The following SV2C variants were observed in gnomAD, a reference collection of about 807,000 sequenced individuals.
The protein encoded by SV2C is solute carrier family 22 member B3.
A neutral mutation model predicts 79.7 loss-of-function variants in SV2C; 49 were observed. The ratio of observed to expected loss-of-function variants is 0.61; its 90% CI spans 0.49 to 0.78. SV2C has a LOEUF of 0.78. Ranked by LOEUF, SV2C falls within the 30% of genes least tolerant of loss-of-function variation. SV2C has a pLI of 0.00. For missense variants in SV2C, 833 were observed against 912.9 expected, an observed-to-expected ratio of 0.91 and a Z score of 1.13; for synonymous variants, 334 against 333.2, an observed-to-expected ratio of 1.00 and a Z score of -0.03.
intron 2 of SV2C, among the ~76,000 whole-genome samples, chr5:76,191,211 G>A (rs964863805): frequency 6.6e-6 from 1 of 150,872 alleles, no homozygotes; most frequent in African/African-American, 2.4e-5. Context: ...TAAACAACCA[G>A]ATCTTGAAAA....
chr5:75,973,702 A>T, the SV2C span, among the ~76,000 whole-genome samples: 1 of 151,970 alleles, frequency 6.6e-6, no homozygotes, highest in Non-Finnish European at 1.5e-5. Flanking sequence ...AAGAGTAAGT[A>T]CTACAAAACA....
the SV2C span, among the ~76,000 whole-genome samples, chr5:75,883,292 A>G: frequency 7.2e-3 from 1,019 of 140,720 alleles, 15 homozygotes; most frequent in African/African-American, 0.029. Context: ...GCGATTCCTC[A>G]GGGATCTAGA....
the SV2C span, among the ~76,000 whole-genome samples, chr5:75,953,592 A>G: frequency 6.6e-6 from 1 of 151,928 alleles, no homozygotes; most frequent in Non-Finnish European, 1.5e-5. Context: ...TGAGTACTTT[A>G]TCCGGAAACC....
the SV2C span, among the ~76,000 whole-genome samples, chr5:75,975,039 T>A: frequency 6.6e-6 from 1 of 152,132 alleles, no homozygotes; most frequent in Non-Finnish European, 1.5e-5. Context: ...ACTGATAGAA[T>A]TATCAATGAC....
the SV2C span, among the ~76,000 whole-genome samples, chr5:76,022,318 T>G: frequency 6.6e-6 from 1 of 152,308 alleles, no homozygotes; most frequent in African/African-American, 2.4e-5. Context: ...CAGTGCACAC[T>G]TCAGGATCAT....
At chr5:76,130,205 A>C (rs983004446) in intron 1 of SV2C, among the ~76,000 whole-genome samples, 3 of 148,226 alleles carry the variant, frequency 2.0e-5, no homozygotes, top group African/African-American at 7.4e-5. Flanking sequence ...CAAACAGAAA[A>C]ATCATTTACT....
chr5:76,267,210 C>T (rs1195309319), intron 4 of SV2C, among the ~76,000 whole-genome samples: 22 of 152,094 alleles, frequency 1.4e-4, no homozygotes. Context: ...TATTCTAATT[C>T]TATTTTTAAA....
the SV2C span, among the ~76,000 whole-genome samples, chr5:75,894,307 T>C: frequency 0.017 from 2,521 of 152,140 alleles, 36 homozygotes; most frequent in African/African-American, 0.043. Flanking sequence ...TGTAAATTAA[T>C]TAAAAGTTTG....
At chr5:76,226,360 C>T (rs1343609499) in intron 4 of SV2C, among the ~76,000 whole-genome samples, 1 of 152,150 alleles carries the variant, frequency 6.6e-6, no homozygotes, top group African/African-American at 2.4e-5. Flanking sequence ...AGAAAGCCCA[C>T]ACCCTCTATA....
intron 3 of SV2C, among the ~76,000 whole-genome samples, chr5:76,209,337 T>C (rs1231984182): frequency 6.6e-6 from 1 of 152,194 alleles, no homozygotes; most frequent in Non-Finnish European, 1.5e-5. Context: ...GAATGGGACA[T>C]GGCACAGCAT....
the SV2C span, among the ~76,000 whole-genome samples, chr5:75,938,486 G>A: frequency 4.6e-5 from 7 of 152,040 alleles, no homozygotes; most frequent in Non-Finnish European, 7.4e-5. Flanking sequence ...TTACAAACAC[G>A]ACTACACGGA....
chr5:76,301,245 A>ATGTT, intron 11 of SV2C, 141 bp from the exon 12 acceptor site: 1 of 1,092,174 alleles, frequency 9.2e-7, no homozygotes, highest in South Asian at 1.6e-5. Flanking sequence ...AGGTGAATGC[A>ATGTT]CCAGTTCTTG....
At chr5:76,314,912 G>T in intron 12 of SV2C, among the ~76,000 whole-genome samples, 1 of 152,104 alleles carries the variant, frequency 6.6e-6, no homozygotes, top group Non-Finnish European at 1.5e-5. Flanking sequence ...ATTTACCCTG[G>T]CCCAGGCCCT....
the SV2C span, among the ~76,000 whole-genome samples, chr5:75,903,580 A>G: frequency 6.6e-6 from 1 of 152,294 alleles, no homozygotes; most frequent in African/African-American, 2.4e-5. Flanking sequence ...GCCTAACTGT[A>G]TTAAATCTGT....
intron 12 of SV2C, among the ~76,000 whole-genome samples, chr5:76,320,625 A>G (rs1748798165): frequency 6.6e-6 from 1 of 152,172 alleles, no homozygotes; most frequent in Non-Finnish European, 1.5e-5. Context: ...GTTTAGCCTC[A>G]TGGCATATCC....
chr5:76,192,701 CTG>C (rs1744142026), intron 2 of SV2C, among the ~76,000 whole-genome samples: 1 of 152,184 alleles, frequency 6.6e-6, no homozygotes, highest in Non-Finnish European at 1.5e-5. Context: ...TCTAATTGTG[CTG>C]TGTTTGTCTC....
At chr5:75,944,818 C>T in the SV2C span, among the ~76,000 whole-genome samples, 4 of 152,088 alleles carry the variant, frequency 2.6e-5, no homozygotes, top group Non-Finnish European at 1.5e-5. Context: ...TTTTTTCTCT[C>T]CCAGCCCTGA....
chr5:76,099,567 A>G (rs909021163), intron 1 of SV2C, among the ~76,000 whole-genome samples: 1 of 152,096 alleles, frequency 6.6e-6, no homozygotes, highest in Non-Finnish European at 1.5e-5. Context: ...TCTGGCTGAC[A>G]TATGACAACA....
At chr5:76,227,063 G>A (rs1407729572) in intron 4 of SV2C, among the ~76,000 whole-genome samples, 4 of 152,208 alleles carry the variant, frequency 2.6e-5, no homozygotes, top group Non-Finnish European at 5.9e-5. Context: ...CCTTCCGGGA[G>A]GGATGGAAAG....
Sources: gnomAD v4.1 joint callset for allele counts (sites outside exome capture counted in the v4.1 genomes callset) on GRCh38, gnomAD v4.1.1 for gene constraint, MANE v1.5 for transcripts, NCBI Gene and HGNC (gene_info 2026-07-23, HGNC 2026-07-21) for gene names.